Variants in PCDH9 observed in about 807,000 individuals in gnomAD.
PCDH9 encodes protocadherin 9, also known as protocadherin-9.
A neutral mutation model predicts 70.6 loss-of-function variants in PCDH9; 24 were observed. The observed-to-expected ratio is 0.34, with a 90% CI of 0.25 to 0.48. The LOEUF is 0.48. Among genes scored for constraint, PCDH9 ranks in the 20% least tolerant of loss-of-function variants. The pLI is 0.99. For missense variants in PCDH9, 1,281 were observed against 1,503.6 expected (o/e 0.85, Z 2.45); for synonymous variants, 562 against 558.5 (o/e 1.01, Z -0.09).
intron 4 of PCDH9, among the ~76,000 whole-genome samples, chr13:66,398,595 G>T (rs781651762): frequency 2.0e-5 from 3 of 152,028 alleles, no homozygotes; most frequent in Non-Finnish European, 4.4e-5. Flanking sequence ...ATTATAAATT[G>T]ACTTCTGGAA....
intron 4 of PCDH9, among the ~76,000 whole-genome samples, chr13:66,532,513 T>C (rs933291460): frequency 7.9e-5 from 12 of 152,166 alleles, no homozygotes; most frequent in African/African-American, 2.9e-4. Context: ...AATGCTATTT[T>C]ATTGTCAAAA....
chr13:66,755,633 T>C (rs1299484452), intron 3 of PCDH9, among the ~76,000 whole-genome samples: 1 of 152,092 alleles, frequency 6.6e-6, no homozygotes, highest in Non-Finnish European at 1.5e-5. Context: ...CTAAAATGCA[T>C]ATTTACTGCA....
intron 4 of PCDH9, among the ~76,000 whole-genome samples, chr13:66,587,172 A>G (rs1390889377): frequency 6.6e-6 from 1 of 150,928 alleles, no homozygotes; most frequent in Non-Finnish European, 1.5e-5. Flanking sequence ...GTGGCAAAAA[A>G]CTCTAGTCCC....
intron 2 of PCDH9, among the ~76,000 whole-genome samples, chr13:67,074,922 A>G (rs1376827694): frequency 6.6e-6 from 1 of 152,104 alleles, no homozygotes; most frequent in East Asian, 1.9e-4. Flanking sequence ...CTGGTACCCT[A>G]TCAAGCACTC....
intron 2 of PCDH9, among the ~76,000 whole-genome samples, chr13:67,013,964 C>T (rs558138833): frequency 6.6e-6 from 1 of 152,148 alleles, no homozygotes; most frequent in East Asian, 1.9e-4. Flanking sequence ...AACACTCTGT[C>T]CCTCAGCCTA....
At chr13:66,396,660 T>C (rs1195655609) in intron 4 of PCDH9, among the ~76,000 whole-genome samples, 2 of 152,192 alleles carry the variant, frequency 1.3e-5, no homozygotes, top group Admixed American at 1.3e-4. Context: ...ACATGGGATA[T>C]AGTGAAAGTC....
chr13:67,141,673 T>A (rs2087392800), intron 2 of PCDH9, among the ~76,000 whole-genome samples: 1 of 151,662 alleles, frequency 6.6e-6, no homozygotes. Flanking sequence ...ACTCCTGACC[T>A]TGTGATCCAC....
chr13:66,612,608 T>A (rs1173573317), intron 4 of PCDH9, among the ~76,000 whole-genome samples: 2 of 152,174 alleles, frequency 1.3e-5, no homozygotes, highest in African/African-American at 4.8e-5. Context: ...TAATTGTTTA[T>A]CTGAAATTTA....
intron 4 of PCDH9, among the ~76,000 whole-genome samples, chr13:66,542,691 TAA>T (rs1376174047): frequency 3.3e-5 from 2 of 60,778 alleles, no homozygotes; most frequent in Non-Finnish European, 1.1e-4. Flanking sequence ...TATATATGTT[TAA>T]ATATATATAT....
chr13:66,663,970 T>G (rs894967289), intron 3 of PCDH9, among the ~76,000 whole-genome samples: 2 of 152,294 alleles, frequency 1.3e-5, no homozygotes, highest in South Asian at 4.2e-4. Flanking sequence ...CTGAGCATCA[T>G]GGAGCTTGGA....
chr13:66,436,054 C>A (rs959971976), intron 4 of PCDH9, among the ~76,000 whole-genome samples: 12 of 151,916 alleles, frequency 7.9e-5, no homozygotes, highest in Non-Finnish European at 1.6e-4. Flanking sequence ...CATAATAAAT[C>A]TCAATTTACT....
At chr13:67,153,962 C>T (rs1028737637) in intron 2 of PCDH9, among the ~76,000 whole-genome samples, 3 of 152,184 alleles carry the variant, frequency 2.0e-5, no homozygotes, top group Admixed American at 2.0e-4. Context: ...TACGTGTATA[C>T]TTTGGCACCT....
intron 3 of PCDH9, among the ~76,000 whole-genome samples, chr13:66,825,933 C>A (rs193009819): frequency 6.6e-6 from 1 of 151,774 alleles, no homozygotes; most frequent in East Asian, 1.9e-4. Flanking sequence ...GCATATTGAT[C>A]GCAATCATTT....
chr13:66,666,779 A>T (rs1161662410), intron 3 of PCDH9, among the ~76,000 whole-genome samples: 1 of 152,130 alleles, frequency 6.6e-6, no homozygotes, highest in East Asian at 1.9e-4. Context: ...ACTTCCTTAT[A>T]ATGACTTTTA....
At chr13:67,004,069 T>G (rs925591614) in intron 2 of PCDH9, among the ~76,000 whole-genome samples, 2 of 152,102 alleles carry the variant, frequency 1.3e-5, no homozygotes, top group African/African-American at 4.8e-5. Context: ...ACATCCCTAT[T>G]ATGTAGTGTG....
At chr13:67,177,680 C>T (rs1025639873) in intron 2 of PCDH9, among the ~76,000 whole-genome samples, 2 of 152,046 alleles carry the variant, frequency 1.3e-5, no homozygotes, top group African/African-American at 4.8e-5. Context: ...CTCTCATAAC[C>T]TCTTGCAGGC....
intron 4 of PCDH9, among the ~76,000 whole-genome samples, chr13:66,575,450 G>A (rs2076801065): frequency 6.6e-6 from 1 of 151,958 alleles, no homozygotes; most frequent in Admixed American, 6.6e-5. Context: ...TCAAAAATCT[G>A]GGAATGGTTC....
chr13:66,961,114 T>TA (rs1347843261), intron 2 of PCDH9, among the ~76,000 whole-genome samples: 1 of 152,018 alleles, frequency 6.6e-6, no homozygotes, highest in African/African-American at 2.4e-5. Flanking sequence ...GTCTATTTTT[T>TA]AAAAAAAATA....
At chr13:66,986,877 A>G (rs1183125421) in intron 2 of PCDH9, among the ~76,000 whole-genome samples, 9 of 152,022 alleles carry the variant, frequency 5.9e-5, no homozygotes, top group Admixed American at 5.9e-4. Flanking sequence ...TGAACCACAG[A>G]GAATAGATAT....
Sources: allele counts gnomAD v4.1 joint callset (sites outside exome capture counted in the v4.1 genomes callset), GRCh38; gene constraint gnomAD v4.1.1; transcripts MANE v1.5; gene names NCBI Gene and HGNC (gene_info 2026-07-23, HGNC 2026-07-21).